EFHC1: variants seen among roughly 807,000 people sequenced by gnomAD.
EFHC1 encodes the protein EF-hand domain-containing protein 1.
In EFHC1, 53 loss-of-function variants were observed where a neutral mutation model predicts 69.9. The ratio of observed to expected loss-of-function variants is 0.76; its 90% CI spans 0.61 to 0.95. EFHC1 has a LOEUF of 0.95. Among genes scored for constraint, EFHC1 ranks in the 40% least tolerant of loss-of-function variants. The pLI is 0.00. For synonymous variants in EFHC1, 256 were observed against 278.4 expected (o/e 0.92, Z 0.80); for missense variants, 739 against 798.7 (o/e 0.93, Z 0.90).
Position 52,493,991 on chromosome 6 carries a change from A to C in EFHC1, c.*1650A>C, listed in dbSNP as rs982992636. On this transcript the variant is annotated 3_prime_UTR_variant, in exon 11 of 11. Coordinates refer to ENST00000371068, the MANE Select transcript of EFHC1 (RefSeq NM_018100.4). ...TTATTGAAAGGGCTGTGAATGTATTATGTTGATTCCTTTTCTGTTCCAGGT... is the reference window on the plus strand; with the variant it reads ...TTATTGAAAGGGCTGTGAATGTATTCTGTTGATTCCTTTTCTGTTCCAGGT... 20 of 453,942 alleles carry C rather than the reference A, an allele frequency of 4.4e-5. No homozygotes were observed. The highest frequency in any genetic ancestry group is 8.8e-5 in the Non-Finnish European group (20 of 226,790). The allele number at this position is 453,942 out of a possible 1,614,324, so 28.1% of individuals were successfully genotyped here. A position where few individuals can be genotyped will look rare whatever the true frequency, so the allele number is the denominator to read the frequency against.
chr6:52,439,153 A>G (rs1252768166), intron 3 of EFHC1, among the ~76,000 whole-genome samples: 2 of 152,202 alleles, frequency 1.3e-5, no homozygotes, highest in Admixed American at 6.5e-5. Flanking sequence ...TTTAATACAA[A>G]GGAAACTTTT....
Position 52,479,658 on chromosome 6 carries a change from T to A in EFHC1, c.1511T>A (p.Ile504Asn). ...TCTCCAGTGTTTGGTCACCGGTTCA[T>A]CATCCTTGATACAGACGAGTATGTT... ...AVIEVFGHRF[I>N]ILDTDEYVLK... The change falls in exon 9 of 11, where the codon ATC becomes AAC. Residue 504 changes from isoleucine (I) to asparagine (N), a missense_variant. By Grantham distance (149) the Ile-to-Asn change is moderately radical (BLOSUM62 -3). Transcript: ENST00000371068. 6.2e-7 allele frequency: 1 copy of A among 1,614,198 alleles called. No individual in the cohort carries two copies. Among genetic ancestry groups the A allele is most frequent in the Non-Finnish European group, 8.5e-7 (1 of 1,180,034 alleles).
chr6:52,489,483 G>C (rs1765851888), intron 9 of EFHC1: 1 of 152,292 alleles, frequency 6.6e-6, no homozygotes, highest in African/African-American at 2.4e-5. Context: ...TTCATGTTCA[G>C]AGGAAATAAA....
chr6:52,490,214 A>T lies in EFHC1; in HGVS notation c.1715A>T (p.Asp572Val). 1 of 1,614,144 alleles carries T rather than the reference A, an allele frequency of 6.2e-7. No homozygotes were observed. Among genetic ancestry groups the T allele is most frequent in the Non-Finnish European group, 8.5e-7 (1 of 1,179,988 alleles). The stretch of plus-strand genomic sequence containing the variant: ...GACACAATTCAGAAGCAACTGAAAG[A>T]TCACTCATGCAAAGACAACATTCGT... Reference protein sequence around the residue: ...LIDTIQKQLKDHSCKDNIREA... With the variant: ...LIDTIQKQLKVHSCKDNIREA... Residue 572 changes from aspartate to valine, a missense_variant, in exon 10 of 11, where the codon GAT becomes GTT. Transcript: ENST00000371068.
chr6:52,496,207 C>CA lies in EFHC1; in HGVS notation c.*3866_*3867insA. 1 of 109,870 alleles carries CA rather than the reference C, an allele frequency of 9.1e-6. No homozygotes were observed. The highest frequency in any genetic ancestry group is 2.2e-5 in the Non-Finnish European group (1 of 44,790). 6.8% of individuals were successfully genotyped at this position (109,870 alleles called of 1,614,324 possible). ...TGAAAGATTCTAATACACACACACA[C>CA]CCACACACACACACACACAAAGAGA... On this transcript the variant is annotated 3_prime_UTR_variant, in exon 11 of 11. Coordinates refer to ENST00000371068, the MANE Select transcript of EFHC1 (RefSeq NM_018100.4).
At chr6:52,450,550 T>C (rs1429677816) in intron 3 of EFHC1, among the ~76,000 whole-genome samples, 1 of 152,196 alleles carries the variant, frequency 6.6e-6, no homozygotes, top group South Asian at 2.1e-4. Flanking sequence ...TCCTTTACCA[T>C]TATACAGTGC....
intron 4 of EFHC1, 68 bp downstream of exon 4, chr6:52,452,905 G>A: frequency 6.2e-7 from 1 of 1,610,010 alleles, no homozygotes; most frequent in Non-Finnish European, 8.5e-7. Flanking sequence ...TTGGCAAAAG[G>A]TTTGGGTAGC....
At position 52,452,848 on chromosome 6, in the gene EFHC1, T is replaced by C. The variant is rs906315174; in HGVS notation, c.723+11T>C. On this transcript the variant is annotated intron_variant, in intron 4 of 10. Coordinates refer to ENST00000371068, the MANE Select transcript of EFHC1 (RefSeq NM_018100.4). ...ACCTTTGACAAACAGGTAAGTGACATAGGAACCACAATAGGCTTACTTATT... is the reference window on the plus strand; with the variant it reads ...ACCTTTGACAAACAGGTAAGTGACACAGGAACCACAATAGGCTTACTTATT... 3 of 1,613,952 alleles carry C rather than the reference T, an allele frequency of 1.9e-6. No homozygotes were observed. Among genetic ancestry groups the C allele is most frequent in the Non-Finnish European group, 2.5e-6 (3 of 1,180,026 alleles).
intron 6 of EFHC1, among the ~76,000 whole-genome samples, chr6:52,467,755 C>T (rs911959683): frequency 1.3e-5 from 2 of 152,158 alleles, no homozygotes; most frequent in African/African-American, 4.8e-5. Context: ...CAGTTTCTTT[C>T]CCGTACTTTC....
At chr6:52,440,820 T>C (rs1764646316) in intron 3 of EFHC1, among the ~76,000 whole-genome samples, 2 of 152,248 alleles carry the variant, frequency 1.3e-5, no homozygotes, top group South Asian at 2.1e-4. Flanking sequence ...TTTTTAATAA[T>C]AGCCATTCTG....
chr6:52,429,301 T>C (rs1764368414), intron 2 of EFHC1, among the ~76,000 whole-genome samples: 1 of 152,220 alleles, frequency 6.6e-6, no homozygotes, highest in Non-Finnish European at 1.5e-5. Flanking sequence ...TCCAATGTTA[T>C]TTTCTAGAAT....
chr6:52,490,570 T>C (rs1220896090), intron 10 of EFHC1: 4 of 610,514 alleles, frequency 6.6e-6, no homozygotes, highest in Non-Finnish European at 1.2e-5. Context: ...GGCCTGGGGC[T>C]GGACAACACA....
At chr6:52,433,444 CTCTT>C (rs1263433333) in intron 2 of EFHC1, among the ~76,000 whole-genome samples, 1 of 152,192 alleles carries the variant, frequency 6.6e-6, no homozygotes, top group Non-Finnish European at 1.5e-5. Context: ...ATTGTTATCT[CTCTT>C]CTGGATCTAG....
chr6:52,457,508 T>C (rs1383555788), intron 5 of EFHC1, among the ~76,000 whole-genome samples: 1 of 152,218 alleles, frequency 6.6e-6, no homozygotes, highest in African/African-American at 2.4e-5. Context: ...TGGGAGTAAC[T>C]TTCAGAAGTC....
intron 7 of EFHC1, among the ~76,000 whole-genome samples, chr6:52,477,477 CCT>C (rs1212506563): frequency 6.6e-6 from 1 of 152,102 alleles, no homozygotes; most frequent in East Asian, 1.9e-4. Flanking sequence ...GGAATTTCTT[CCT>C]TAGGGGTTGT....
At chr6:52,426,090 A>T (rs1020133887) in intron 2 of EFHC1, among the ~76,000 whole-genome samples, 3 of 152,158 alleles carry the variant, frequency 2.0e-5, no homozygotes, top group African/African-American at 7.2e-5. Flanking sequence ...CACTCTAGTG[A>T]CTGCTTCTCT....
chr6:52,460,819 C>G (rs1028164477), intron 5 of EFHC1, among the ~76,000 whole-genome samples: 10 of 152,122 alleles, frequency 6.6e-5, no homozygotes, highest in African/African-American at 2.4e-4. Flanking sequence ...TTACTAACAG[C>G]AGACCTTTAC....
rs377482986 is a variant in EFHC1, at chr6:52,420,372, C to T, written c.-39C>T. Reference sequence around the variant, plus strand: ...TTGTCGCCTGGGCAACCGGAGAGGACGAAGCAGGACCTAGGTGGCGGCGGT... The same window carrying T: ...TTGTCGCCTGGGCAACCGGAGAGGATGAAGCAGGACCTAGGTGGCGGCGGT... On this transcript the variant is annotated 5_prime_UTR_variant, in exon 1 of 11. The change creates a new upstream start codon in the 5' untranslated region. Coordinates refer to ENST00000371068, the MANE Select transcript of EFHC1 (RefSeq NM_018100.4). 5.0e-5 allele frequency: 81 copies of T among 1,613,880 alleles called. No individual in the cohort carries two copies. The highest frequency in any genetic ancestry group is 6.5e-5 in the Non-Finnish European group (77 of 1,179,848).
chr6:52,453,286 T>C (rs902467898), intron 4 of EFHC1: 2 of 1,287,608 alleles, frequency 1.6e-6, no homozygotes, highest in South Asian at 1.2e-5. Flanking sequence ...CTACAGATGC[T>C]TCCTTGTTAA....
Sources: gnomAD v4.1 joint callset for allele counts (sites outside exome capture counted in the v4.1 genomes callset) on GRCh38, gnomAD v4.1.1 for gene constraint, MANE v1.5 for transcripts, NCBI Gene and HGNC (gene_info 2026-07-23, HGNC 2026-07-21) for gene names.